Variants in NELL2 observed in about 807,000 individuals in gnomAD.
The protein encoded by NELL2 is protein kinase C-binding protein NELL2.
NELL2 carries 41 observed loss-of-function variants against 109.6 expected under a neutral mutation model. That is an observed-to-expected ratio of 0.37 (90% confidence interval 0.29 to 0.49). The LOEUF (loss-of-function observed/expected upper bound fraction) is 0.49, where lower values mean the gene tolerates loss of function less well. Among genes scored for constraint, NELL2 ranks in the 20% least tolerant of loss-of-function variants. The pLI is 0.98. For missense variants in NELL2, 900 were observed against 1,008.3 expected (o/e 0.89, Z 1.45); for synonymous variants, 355 against 344.7 (o/e 1.03, Z -0.33).
At chr12:44,747,961 T>C (rs1772221998) in intron 9 of NELL2, among the ~76,000 whole-genome samples, 1 of 152,158 alleles carries the variant, frequency 6.6e-6, no homozygotes, top group Admixed American at 6.6e-5. Context: ...AATGGAAAGA[T>C]TCGAAGGCAA....
chr12:44,706,446 C>A (rs1172411487), intron 11 of NELL2, among the ~76,000 whole-genome samples: 1 of 152,146 alleles, frequency 6.6e-6, no homozygotes, highest in African/African-American at 2.4e-5. Flanking sequence ...CTATTATCTT[C>A]ATAGTTGCAT....
At chr12:44,876,966 A>G (rs1592697755), upstream of NELL2, 2 of 1,077,336 alleles carry the variant, frequency 1.9e-6, no homozygotes, top group South Asian at 2.9e-5. Flanking sequence ...CCGGGCGCGG[A>G]GAGCGCAGAG....
intron 10 of NELL2, among the ~76,000 whole-genome samples, chr12:44,714,179 TTAAC>T (rs771772264): frequency 5.3e-5 from 8 of 151,986 alleles, no homozygotes; most frequent in Non-Finnish European, 1.2e-4. Flanking sequence ...GAATTTCCCT[TTAAC>T]TAATTTAAAA....
chr12:44,644,201 G>C (rs1427422102), intron 13 of NELL2, among the ~76,000 whole-genome samples: 1 of 151,930 alleles, frequency 6.6e-6, no homozygotes, highest in Admixed American at 6.6e-5. Flanking sequence ...TGTAGCAGCA[G>C]AAGAAAAAAA....
intron 19 of NELL2, among the ~76,000 whole-genome samples, chr12:44,511,590 T>C (rs1241858295): frequency 6.6e-6 from 1 of 152,102 alleles, no homozygotes; most frequent in Non-Finnish European, 1.5e-5. Flanking sequence ...AAAGAAGAAG[T>C]GAATCAGTAA....
intron 13 of NELL2, among the ~76,000 whole-genome samples, chr12:44,633,795 T>C (rs1039868661): frequency 1.3e-5 from 2 of 152,152 alleles, no homozygotes; most frequent in African/African-American, 4.8e-5. Context: ...CCAACCTTTT[T>C]TTGGTGAAAC....
At chr12:44,889,812 C>G (rs143016875) in intron 1 of NELL2, among the ~76,000 whole-genome samples, 1 of 152,158 alleles carries the variant, frequency 6.6e-6, no homozygotes, top group Admixed American at 6.5e-5. Context: ...TAAGGCTATA[C>G]GTAGTCCACA....
intron 15 of NELL2, among the ~76,000 whole-genome samples, chr12:44,542,262 T>C (rs1942607352): frequency 6.6e-6 from 1 of 151,864 alleles, no homozygotes; most frequent in South Asian, 2.1e-4. Context: ...TTAGTTCTCC[T>C]TGTACCTCAA....
chr12:44,516,936 A>G (rs971892065), intron 19 of NELL2, among the ~76,000 whole-genome samples: 2 of 147,636 alleles, frequency 1.4e-5, no homozygotes, highest in Admixed American at 6.7e-5. Flanking sequence ...ATGTATCTAT[A>G]GAAGCACTAA....
chr12:44,738,532 T>C (rs1939772298), intron 9 of NELL2, among the ~76,000 whole-genome samples: 1 of 150,684 alleles, frequency 6.6e-6, no homozygotes, highest in South Asian at 2.1e-4. Context: ...CTGGAGGACA[T>C]TATGCTAAGT....
intron 13 of NELL2, among the ~76,000 whole-genome samples, chr12:44,637,172 T>C (rs1566063485): frequency 6.6e-6 from 1 of 151,944 alleles, no homozygotes; most frequent in Non-Finnish European, 1.5e-5. Flanking sequence ...GCTAGTGGTC[T>C]ATTTTGTTGA....
At chr12:44,761,350 A>G (rs1402873003) in intron 9 of NELL2, among the ~76,000 whole-genome samples, 1 of 152,202 alleles carries the variant, frequency 6.6e-6, no homozygotes, top group Non-Finnish European at 1.5e-5. Flanking sequence ...CCTGGGCAAC[A>G]AGAGCGAAAC....
At chr12:44,555,303 A>G (rs142975696) in intron 15 of NELL2, among the ~76,000 whole-genome samples, 332 of 152,284 alleles carry the variant, frequency 2.2e-3, no homozygotes, top group African/African-American at 7.2e-3. Flanking sequence ...TTCATTATGC[A>G]TCTCCTAAAA....
intron 16 of NELL2, 41 bp downstream of exon 16, chr12:44,532,540 A>G: frequency 1.3e-6 from 2 of 1,592,576 alleles, no homozygotes; most frequent in South Asian, 1.1e-5. Flanking sequence ...CCTCAAGTTC[A>G]AGAGAAGTTC....
intron 1 of NELL2, among the ~76,000 whole-genome samples, chr12:44,921,273 T>C (rs1945866297): frequency 6.6e-6 from 1 of 152,214 alleles, no homozygotes; most frequent in African/African-American, 2.4e-5. Flanking sequence ...TTTCAATTCA[T>C]TTGCAAGCAT....
chr12:44,900,197 G>A (rs1241936793), intron 1 of NELL2, among the ~76,000 whole-genome samples: 1 of 152,102 alleles, frequency 6.6e-6, no homozygotes, highest in Non-Finnish European at 1.5e-5. Context: ...ATATTAGACA[G>A]ATCAACGAGA....
chr12:44,892,540 G>GT (rs1174399836), intron 1 of NELL2, among the ~76,000 whole-genome samples: 1 of 152,122 alleles, frequency 6.6e-6, no homozygotes, highest in East Asian at 1.9e-4. Context: ...GCTCATGCCT[G>GT]TAATCCCAGC....
intron 12 of NELL2, among the ~76,000 whole-genome samples, chr12:44,682,763 G>A (rs183823967): frequency 5.9e-5 from 9 of 152,114 alleles, no homozygotes; most frequent in East Asian, 3.9e-4. Flanking sequence ...GCTCTGTTCC[G>A]TTCCATTGAT....
At chr12:44,681,938 T>C (rs552884531) in intron 12 of NELL2, among the ~76,000 whole-genome samples, 1 of 150,740 alleles carries the variant, frequency 6.6e-6, no homozygotes, top group South Asian at 2.1e-4. Context: ...TACCCAGTAA[T>C]GGGATGGCTG....
Sources: gnomAD v4.1 joint callset for allele counts (sites outside exome capture counted in the v4.1 genomes callset) on GRCh38, gnomAD v4.1.1 for gene constraint, MANE v1.5 for transcripts, NCBI Gene and HGNC (gene_info 2026-07-23, HGNC 2026-07-21) for gene names.